Variants in PIK3R4 observed in about 807,000 individuals in gnomAD.
PIK3R4 encodes phosphoinositide 3-kinase regulatory subunit 4.
PIK3R4 carries 46 observed loss-of-function variants against 136.5 expected under a neutral mutation model. The ratio of observed to expected loss-of-function variants is 0.34; its 90% CI spans 0.27 to 0.43. PIK3R4 has a LOEUF of 0.43. Among genes scored for constraint, PIK3R4 ranks in the 20% least tolerant of loss-of-function variants. The pLI is 1.00. For missense variants in PIK3R4, 1,331 were observed against 1,649.5 expected (o/e 0.81, Z 3.35); for synonymous variants, 557 against 566.7 (o/e 0.98, Z 0.24).
At chr3:130,695,081 T>C (rs1247698696) in intron 13 of PIK3R4, among the ~76,000 whole-genome samples, 2 of 152,184 alleles carry the variant, frequency 1.3e-5, no homozygotes, top group Admixed American at 6.5e-5. Flanking sequence ...CATTCATTAA[T>C]TGATTTTCAT....
intron 6 of PIK3R4, among the ~76,000 whole-genome samples, chr3:130,725,667 TAAAG>T (rs1208815717): frequency 6.6e-6 from 1 of 151,654 alleles, no homozygotes; most frequent in Non-Finnish European, 1.5e-5. Flanking sequence ...AAAATCAAGT[TAAAG>T]AACTAAGAAA....
At chr3:130,697,063 CTTTTTTTTT>C (rs60432343) in intron 13 of PIK3R4, among the ~76,000 whole-genome samples, 2 of 73,024 alleles carry the variant, frequency 2.7e-5, no homozygotes, top group South Asian at 7.1e-4. Context: ...GCCACTCCAG[CTTTTTTTTT>C]TTTTTTTTTT....
At chr3:130,733,199 G>A (rs2066767861) in intron 4 of PIK3R4, among the ~76,000 whole-genome samples, 1 of 152,150 alleles carries the variant, frequency 6.6e-6, no homozygotes, top group Non-Finnish European at 1.5e-5. Flanking sequence ...TGCTAAAACT[G>A]ACAGTCAAAT....
intron 2 of PIK3R4, among the ~76,000 whole-genome samples, chr3:130,736,753 A>T (rs2066787882): frequency 6.6e-6 from 1 of 152,184 alleles, no homozygotes; most frequent in Non-Finnish European, 1.5e-5. Context: ...ATTCATCATT[A>T]AACAGAAAGT....
At chr3:130,679,953 G>A (rs1036499414) in intron 19 of PIK3R4, among the ~76,000 whole-genome samples, 38 of 150,706 alleles carry the variant, frequency 2.5e-4, no homozygotes, top group African/African-American at 8.8e-4. Context: ...GCGTGCACCT[G>A]TAGTCCCAGC....
rs375898430 is a variant in PIK3R4, at chr3:130,739,069, GTTTT to G, written c.734-3071_734-3068del. ...GATATTAGCACACCTTTTTTTGTTT[GTTTT>G]TTTGTTTTGTTTTGTTTTTTTGAGA... On this transcript the variant is annotated intron_variant, in intron 2 of 19. Coordinates refer to ENST00000356763, the MANE Select transcript of PIK3R4 (RefSeq NM_014602.3). 7.4e-4 allele frequency among the ~76,000 whole-genome samples: 112 copies of G among 152,032 alleles called. No homozygotes were observed. The East Asian group carries it at 0.021, about 28-fold the overall frequency.
intron 14 of PIK3R4, among the ~76,000 whole-genome samples, chr3:130,689,293 ATGTC>A (rs2066504003): frequency 1.3e-5 from 2 of 152,220 alleles, no homozygotes; most frequent in African/African-American, 4.8e-5. Context: ...CTGAATGTGC[ATGTC>A]TGTCTGCGTG....
chr3:130,704,823 T>G (rs1361248740), intron 12 of PIK3R4, among the ~76,000 whole-genome samples: 1 of 152,000 alleles, frequency 6.6e-6, no homozygotes, highest in Admixed American at 6.6e-5. Context: ...TTTTATTTAT[T>G]TACTTTATTA....
In PIK3R4 at chr3:130,707,068, G is replaced by A; in HGVS notation, c.2601C>T (p.Asp867=). 1 of 1,611,424 alleles carries A rather than the reference G, an allele frequency of 6.2e-7. No homozygotes were observed. Among genetic ancestry groups the A allele is most frequent in the Non-Finnish European group, 8.5e-7 (1 of 1,178,736 alleles). ...GTAGGGCCTGTGGCATGTTTGGTGG[G>A]TCCAGTGACCCAAACATGCTTTTCC... ...EEWKSMFGSL[D]PPNMPQALPK... The change falls in exon 11 of 20, where the codon GAC becomes GAT. Residue 867 remains aspartate, a synonymous_variant. Transcript: ENST00000356763.
At chr3:130,722,039 T>TG (rs1434866941) in intron 7 of PIK3R4, among the ~76,000 whole-genome samples, 1 of 151,264 alleles carries the variant, frequency 6.6e-6, no homozygotes, top group Non-Finnish European at 1.5e-5. Flanking sequence ...TCAATAAAGC[T>TG]GGGGAAAAAA....
At chr3:130,681,413 T>A in intron 17 of PIK3R4, 78 bp downstream of exon 17, 1 of 948,762 alleles carries the variant, frequency 1.1e-6, no homozygotes, top group Non-Finnish European at 1.7e-6. Context: ...CAACAGATAC[T>A]AGGTTTGATT....
rs73868948 is a variant in PIK3R4 at position 130,703,916 on chromosome 3, A to C, written c.2933-28T>G. The C allele has an allele frequency of 1.7e-5, 26 of 1,532,276 alleles. No homozygotes were observed. The South Asian group carries it at 2.9e-4, about 17-fold the overall frequency. The allele number at this position is 1,532,276 out of a possible 1,614,324, so 94.9% of individuals were successfully genotyped here. ...AAGGAAAAGCAAAGGAGTGTATCATAAACTGTAGTTTACAAATACAATGTC... is the reference window on the plus strand; with the variant it reads ...AAGGAAAAGCAAAGGAGTGTATCATCAACTGTAGTTTACAAATACAATGTC... On this transcript the variant is annotated intron_variant, in intron 12 of 19. Transcript: ENST00000356763.
chr3:130,690,563 C>T lies in PIK3R4; in HGVS notation c.3190G>A (p.Gly1064Ser). ...SHYLAIASDN[G>S]AVQLLGIEAS... is the part of the protein sequence containing the mutation. ...TCAATTCCAAGAAGCTGGACAGCAC[C>T]ATTATCAGATGCTATGGCTAAATAG... The change falls in exon 14 of 20, where the codon GGT becomes AGT. Residue 1064 changes from glycine (G) to serine (S), a missense_variant. Transcript: ENST00000356763. The T allele has an allele frequency of 1.2e-6, 2 of 1,613,112 alleles. No homozygotes were observed. Among genetic ancestry groups the T allele is most frequent in the Non-Finnish European group, 1.7e-6 (2 of 1,179,176 alleles).
chr3:130,685,565 G>C (rs1002904657), intron 15 of PIK3R4, among the ~76,000 whole-genome samples: 2 of 152,200 alleles, frequency 1.3e-5, no homozygotes, highest in Non-Finnish European at 2.9e-5. Flanking sequence ...CTGAGGGATA[G>C]AGGGATACAC....
chr3:130,739,722 GA>G (rs1223360816), intron 2 of PIK3R4, among the ~76,000 whole-genome samples: 1 of 151,286 alleles, frequency 6.6e-6, no homozygotes, highest in Admixed American at 6.6e-5. Flanking sequence ...GCAAGGGATT[GA>G]AAAAAAATAA....
At position 130,680,285 on chromosome 3, in the gene PIK3R4, A is replaced by G. The variant is rs113495090; in HGVS notation, c.3906+328T>C. ...AGTCCCAAAGCCAGGTTTAAATCCC[A>G]GCTTTCTGTTTACTAGCTGTGTGAC... is the stretch of plus-strand genomic sequence containing the variant. On this transcript the variant is annotated intron_variant, in intron 19 of 19. Transcript: ENST00000356763. 8.3e-3 allele frequency among the ~76,000 whole-genome samples: 1,262 copies of G among 152,278 alleles called. 16 individuals carry two copies. Among genetic ancestry groups the G allele is most frequent in the African/African-American group, 0.029 (1,191 of 41,556 alleles).
chr3:130,730,881 CTTGACCA>C (rs1044540819), intron 4 of PIK3R4, among the ~76,000 whole-genome samples: 5 of 152,200 alleles, frequency 3.3e-5, no homozygotes, highest in African/African-American at 1.2e-4. Flanking sequence ...CACTTACTAA[CTTGACCA>C]TTTAAGCAAT....
chr3:130,679,752 A>G (rs1355019366), intron 19 of PIK3R4, among the ~76,000 whole-genome samples: 2 of 152,314 alleles, frequency 1.3e-5, no homozygotes, highest in African/African-American at 4.8e-5. Flanking sequence ...ACTTTTGCCA[A>G]CATCAAAAGA....
chr3:130,738,591 T>C (rs1255437923), intron 2 of PIK3R4, among the ~76,000 whole-genome samples: 1 of 151,966 alleles, frequency 6.6e-6, no homozygotes, highest in Non-Finnish European at 1.5e-5. Flanking sequence ...TCTAATATAA[T>C]TCACTACACA....
Sources: gnomAD v4.1 joint callset for allele counts (sites outside exome capture counted in the v4.1 genomes callset) on GRCh38, gnomAD v4.1.1 for gene constraint, MANE v1.5 for transcripts, NCBI Gene and HGNC (gene_info 2026-07-23, HGNC 2026-07-21) for gene names.